The following MORC1 variants were observed in gnomAD, a reference collection of about 807,000 sequenced individuals.
MORC1 encodes the protein MORC family CW-type zinc finger protein 1.
In MORC1, 59 loss-of-function variants were observed where a neutral mutation model predicts 134.9. The observed-to-expected ratio is 0.44, with a 90% CI of 0.35 to 0.54. MORC1 has a LOEUF of 0.54. MORC1 is among the 20% of genes least tolerant of loss of function. The pLI, the probability that MORC1 is intolerant of heterozygous loss-of-function variation, is 0.00. For synonymous variants in MORC1, 395 were observed against 391.7 expected (o/e 1.01, Z -0.10); for missense variants, 947 against 1,134.5 (o/e 0.83, Z 2.37).
intron 14 of MORC1, among the ~76,000 whole-genome samples, chr3:109,042,588 C>A (rs1386777792): frequency 2.6e-5 from 4 of 152,156 alleles, no homozygotes; most frequent in Middle Eastern, 3.4e-3. Flanking sequence ...TATATTTATC[C>A]AAAGGAAATG....
chr3:109,083,639 G>A (rs1409041479), intron 8 of MORC1, among the ~76,000 whole-genome samples: 4 of 152,136 alleles, frequency 2.6e-5, no homozygotes, highest in Non-Finnish European at 5.9e-5. Flanking sequence ...TGAAGAGGAA[G>A]GAATTCTTTC....
At chr3:109,064,614 G>C (rs1022800979) in intron 9 of MORC1, among the ~76,000 whole-genome samples, 1 of 151,896 alleles carries the variant, frequency 6.6e-6, no homozygotes, top group Admixed American at 6.6e-5. Context: ...GTAAACTACA[G>C]TTCTGAACTT....
In MORC1 at chr3:109,118,026, G is replaced by T. The variant is rs775974024; in HGVS notation, c.34C>A (p.Gln12Lys). The change falls in exon 1 of 28, where the codon CAG becomes AAG. Residue 12 changes from glutamine (Q) to lysine (K), a missense_variant. By Grantham distance (53) the Gln-to-Lys change is moderately conservative. Transcript: ENST00000232603. ...DDRYPALQRA[Q>K]LRLDFIHANS... ...GCGTGGATGAAATCCAGACGCAGCT[G>T]GGCCCGCTGAAGCGCAGGGTACCTG... is the stretch of plus-strand genomic sequence containing the variant. 6.2e-7 allele frequency: 1 copy of T among 1,609,672 alleles called. No homozygotes were observed.
At chr3:109,091,171 C>T (rs907245713) in intron 8 of MORC1, among the ~76,000 whole-genome samples, 2 of 151,962 alleles carry the variant, frequency 1.3e-5, no homozygotes, top group Non-Finnish European at 2.9e-5. Flanking sequence ...TGGCCAGGTG[C>T]GGTGGCTCAT....
chr3:108,964,747 T>C (rs1947171372), intron 26 of MORC1, among the ~76,000 whole-genome samples: 1 of 152,104 alleles, frequency 6.6e-6, no homozygotes, highest in East Asian at 1.9e-4. Flanking sequence ...CATGAGATAA[T>C]ACAAATGTGC....
chr3:109,116,620 T>A (rs967114584), intron 1 of MORC1, among the ~76,000 whole-genome samples: 2 of 151,960 alleles, frequency 1.3e-5, no homozygotes, highest in South Asian at 2.1e-4. Flanking sequence ...AAAATTTTTT[T>A]AAAAAAAGAA....
At chr3:109,026,122 C>A (rs370212990) in intron 17 of MORC1, among the ~76,000 whole-genome samples, 1 of 152,192 alleles carries the variant, frequency 6.6e-6, no homozygotes, top group African/African-American at 2.4e-5. Context: ...TCCTTGGTTA[C>A]CACAAAAGCA....
chr3:108,984,438 C>A (rs1212300155), intron 23 of MORC1, among the ~76,000 whole-genome samples: 1 of 151,876 alleles, frequency 6.6e-6, no homozygotes, highest in Non-Finnish European at 1.5e-5. Context: ...ATTTTCAGTT[C>A]TTTGACTACA....
intron 17 of MORC1, among the ~76,000 whole-genome samples, chr3:109,014,836 T>A (rs207463484): frequency 2.6e-5 from 4 of 152,218 alleles, no homozygotes; most frequent in Non-Finnish European, 5.9e-5. Flanking sequence ...AGCAAAGATG[T>A]ATGTCTCAAC....
intron 8 of MORC1, among the ~76,000 whole-genome samples, chr3:109,070,712 T>G (rs1950298576): frequency 6.6e-6 from 1 of 152,012 alleles, no homozygotes; most frequent in African/African-American, 2.4e-5. Flanking sequence ...AAAGGGGAAC[T>G]ACTCAACAGG....
At chr3:108,996,286 G>GCGCACACACACACA in intron 21 of MORC1, among the ~76,000 whole-genome samples, 2 of 146,382 alleles carry the variant, frequency 1.4e-5, no homozygotes, top group African/African-American at 5.1e-5. Context: ...GCGCGCGCGC[G>GCGCACACACACACA]CACACACACA....
intron 17 of MORC1, among the ~76,000 whole-genome samples, chr3:109,021,064 A>G (rs1476984656): frequency 6.6e-6 from 1 of 152,192 alleles, no homozygotes; most frequent in Admixed American, 6.5e-5. Flanking sequence ...CCCAGAGGGT[A>G]CAGGCGTGGA....
At position 109,062,184 on chromosome 3, in the gene MORC1, A is replaced by G; in HGVS notation, c.896-126T>C. On this transcript the variant is annotated intron_variant, in intron 10 of 27. Transcript: ENST00000232603. ...ACAGACCATGATCTGAGAAAACCCT[A>G]TGTTCCTCTTATAACTTTTACACAT... 3 of 787,624 alleles carry G rather than the reference A, an allele frequency of 3.8e-6. 1 individual carries two copies. In the South Asian group the frequency reaches 4.8e-5, roughly 12 times the overall value. 48.8% of individuals were successfully genotyped at this position (787,624 alleles called of 1,614,324 possible).
intron 24 of MORC1, among the ~76,000 whole-genome samples, chr3:108,978,906 A>G (rs866374500): frequency 1.1e-4 from 16 of 151,376 alleles, no homozygotes; most frequent in African/African-American, 2.9e-4. Context: ...CCCACCTCCC[A>G]CCCTCCCATA....
chr3:108,979,629 G>A lies in MORC1; in HGVS notation c.2363C>T (p.Ser788Phe), dbSNP rs115431705. 1 of 1,614,146 alleles carries A rather than the reference G, an allele frequency of 6.2e-7. No individual in the cohort carries two copies. The highest frequency in any genetic ancestry group is 8.5e-7 in the Non-Finnish European group (1 of 1,180,002). Residue 788 changes from serine to phenylalanine, a missense_variant, in exon 24 of 28, where the codon TCT becomes TTT. Ser to Phe is a radical substitution (Grantham distance 155). This residue lies in a region of MORC1 where 722 missense variants were observed against 817.0 expected (regional missense o/e 0.88). Coordinates refer to ENST00000232603, the MANE Select transcript of MORC1 (RefSeq NM_014429.4). Reference sequence around the variant, plus strand: ...CACAGAAACTCTGGCTATGTGTCCAGAACTTAGATTCACATCTTCCATCGG... The same window carrying A: ...CACAGAAACTCTGGCTATGTGTCCAAAACTTAGATTCACATCTTCCATCGG... ...NVPMEDVNLS[S>F]GHIARVSVSG...
chr3:108,992,482 T>C (rs1309002503), intron 21 of MORC1, among the ~76,000 whole-genome samples: 1 of 152,188 alleles, frequency 6.6e-6, no homozygotes, highest in East Asian at 1.9e-4. Context: ...AAGTCAAGCA[T>C]TTTATCTATA....
intron 27 of MORC1, among the ~76,000 whole-genome samples, chr3:108,959,729 C>T (rs6804133): frequency 0.19 from 28,461 of 152,122 alleles, 2,763 homozygotes; most frequent in Middle Eastern, 0.27. Flanking sequence ...GAAAAAACTA[C>T]GTAGGCATGG....
chr3:109,069,243 A>G (rs959917493), intron 9 of MORC1, among the ~76,000 whole-genome samples: 1 of 152,216 alleles, frequency 6.6e-6, no homozygotes, highest in Non-Finnish European at 1.5e-5. Context: ...ATTTATAAAT[A>G]TATTCATTCT....
intron 14 of MORC1, among the ~76,000 whole-genome samples, chr3:109,047,821 GAC>G (rs772571927): frequency 1.1e-4 from 17 of 152,296 alleles, no homozygotes; most frequent in South Asian, 4.1e-4. Flanking sequence ...GTAGATGAAA[GAC>G]AGTTTTTCCT....
Sources: allele counts gnomAD v4.1 joint callset (sites outside exome capture counted in the v4.1 genomes callset), GRCh38; gene constraint gnomAD v4.1.1; regional missense constraint gnomAD v4.1.1; transcripts MANE v1.5; gene names NCBI Gene and HGNC (gene_info 2026-07-23, HGNC 2026-07-21).